Variants in CAMTA1 observed in about 807,000 individuals in gnomAD.
CAMTA1 encodes the protein calmodulin-binding transcription activator 1.
Under a neutral mutation model 170.9 loss-of-function variants are expected in CAMTA1, and 27 were observed. The observed-to-expected ratio is 0.16, with a 90% confidence interval of 0.12 to 0.22. The LOEUF (loss-of-function observed/expected upper bound fraction) is 0.22, where lower values mean the gene tolerates loss of function less well. Among genes scored for constraint, CAMTA1 ranks in the 10% least tolerant of loss-of-function variants. The probability of loss-of-function intolerance (pLI) is 1.00; values close to 1 mark genes in which losing one functional copy is unlikely to be tolerated. For synonymous variants in CAMTA1, 833 were observed against 891.5 expected (o/e 0.93, Z 1.17); for missense variants, 1,619 against 2,217.2 (o/e 0.73, Z 5.42).
chr1:7,130,250 C>T (rs1031993073), intron 4 of CAMTA1, among the ~76,000 whole-genome samples: 1 of 152,056 alleles, frequency 6.6e-6, no homozygotes, highest in Admixed American at 6.6e-5. Context: ...AATCTACCTT[C>T]TTATAATCAG....
intron 6 of CAMTA1, among the ~76,000 whole-genome samples, chr1:7,479,901 A>ATG (rs1212003868): frequency 1.3e-5 from 2 of 150,284 alleles, no homozygotes; most frequent in Non-Finnish European, 2.9e-5. Flanking sequence ...TAGAAGATAT[A>ATG]TGTGTGTGTG....
intron 6 of CAMTA1, among the ~76,000 whole-genome samples, chr1:7,520,363 G>A (rs1437023328): frequency 1.4e-5 from 2 of 146,558 alleles, no homozygotes; most frequent in African/African-American, 5.1e-5. Flanking sequence ...GGGGCTGAGA[G>A]TTATTCGATG....
At chr1:7,252,763 G>A (rs1666821164) in intron 5 of CAMTA1, among the ~76,000 whole-genome samples, 1 of 152,196 alleles carries the variant, frequency 6.6e-6, no homozygotes, top group African/African-American at 2.4e-5. Context: ...TACCACCGGG[G>A]CTGTTTTCCT....
intron 5 of CAMTA1, among the ~76,000 whole-genome samples, chr1:7,310,665 T>C (rs1416520324): frequency 5.2e-5 from 2 of 38,646 alleles, no homozygotes; most frequent in African/African-American, 1.6e-4. Flanking sequence ...CTTTCTTTCT[T>C]TCTTTCCTTT....
chr1:7,668,433 C>CACA (rs36054481), intron 9 of CAMTA1, among the ~76,000 whole-genome samples: 3,436 of 114,738 alleles, frequency 0.03, 81 homozygotes, highest in Non-Finnish European at 0.037. Context: ...ACACACACAC[C>CACA]CACCACACAC....
rs144755735 is a variant in CAMTA1 at position 7,251,315 on chromosome 1, G to T, written c.438+1689G>T. On this transcript the variant is annotated intron_variant, in intron 5 of 22. Transcript: ENST00000303635. The surrounding 1 kb of genome is among the most constrained non-coding windows in gnomAD (Gnocchi z 5.1). ...AGTTGTCACTGGATGGAATCAGAAT[G>T]ATTTATGGCTATTTGTTAGGCCATA... 3.7e-3 allele frequency among the ~76,000 whole-genome samples: 570 copies of T among 152,276 alleles called. 5 individuals carry two copies. Among genetic ancestry groups the T allele is most frequent in the African/African-American group, 0.013 (536 of 41,562 alleles).
chr1:7,031,929 C>T (rs903511292), intron 3 of CAMTA1, among the ~76,000 whole-genome samples: 10 of 151,904 alleles, frequency 6.6e-5, no homozygotes, highest in African/African-American at 2.4e-4. Context: ...TTCTGTTTCC[C>T]CATCTGTTGT....
chr1:6,975,633 C>T (rs996343466), intron 3 of CAMTA1, among the ~76,000 whole-genome samples: 4 of 152,116 alleles, frequency 2.6e-5, no homozygotes, highest in South Asian at 2.1e-4. Flanking sequence ...AGCATAATAA[C>T]GGCTTCATTG....
At chr1:7,670,362 G>A (rs965429449) in intron 9 of CAMTA1, among the ~76,000 whole-genome samples, 6 of 152,086 alleles carry the variant, frequency 3.9e-5, no homozygotes, top group African/African-American at 1.2e-4. Context: ...TCTTCAGCCC[G>A]TCCTGCTCCA....
At chr1:7,087,778 C>T (rs1640941870) in intron 3 of CAMTA1, among the ~76,000 whole-genome samples, 1 of 152,218 alleles carries the variant, frequency 6.6e-6, no homozygotes, top group Non-Finnish European at 1.5e-5. Flanking sequence ...GGCAGTACCT[C>T]CACCACCTTA....
chr1:6,933,279 G>A lies in CAMTA1; in HGVS notation c.234+108069G>A, dbSNP rs927318319. ...CACAAATATTTTCTCCTGTGTTTTC[G>A]TTTCTTTTTTTTTTGAGATGGAGTC... On this transcript the variant is annotated intron_variant, in intron 3 of 22. Transcript: ENST00000303635. Among the ~76,000 whole-genome samples, 7 of 151,742 alleles carry A rather than the reference G, an allele frequency of 4.6e-5. No individual in the cohort carries two copies. In the East Asian group the frequency reaches 5.8e-4, roughly 13 times the overall value.
intron 3 of CAMTA1, among the ~76,000 whole-genome samples, chr1:6,916,197 C>T (rs1680745519): frequency 6.6e-6 from 1 of 152,166 alleles, no homozygotes; most frequent in South Asian, 2.1e-4. Flanking sequence ...CCACAGAGAC[C>T]TCCGGGTCTC....
chr1:7,451,400 C>T (rs751390403), intron 5 of CAMTA1, among the ~76,000 whole-genome samples: 7 of 152,122 alleles, frequency 4.6e-5, no homozygotes, highest in African/African-American at 1.2e-4. Context: ...TGGCCGCCCT[C>T]GCCACTGCGG....
At chr1:7,104,182 A>C (rs1238175319) in intron 4 of CAMTA1, among the ~76,000 whole-genome samples, 4 of 151,740 alleles carry the variant, frequency 2.6e-5, no homozygotes. Context: ...ACATATACAC[A>C]CAACACACAT....
intron 3 of CAMTA1, among the ~76,000 whole-genome samples, chr1:6,842,817 G>A (rs932338210): frequency 1.3e-5 from 2 of 151,986 alleles, no homozygotes; most frequent in Non-Finnish European, 2.9e-5. Context: ...CCAGCTACTC[G>A]GGAGGCCAAG....
At chr1:7,520,063 A>C (rs186543927) in intron 6 of CAMTA1, among the ~76,000 whole-genome samples, 2 of 149,586 alleles carry the variant, frequency 1.3e-5, no homozygotes, top group African/African-American at 5.0e-5. Flanking sequence ...CTCCCCTAGC[A>C]GAGCTCTCTT....
chr1:7,422,782 C>A (rs576218044), intron 5 of CAMTA1, among the ~76,000 whole-genome samples: 29 of 152,280 alleles, frequency 1.9e-4, no homozygotes, highest in African/African-American at 6.7e-4. Flanking sequence ...CACCTGGACA[C>A]AGGGCTCCCT....
At chr1:7,260,284 G>A (rs540411614) in intron 5 of CAMTA1, among the ~76,000 whole-genome samples, 2 of 152,184 alleles carry the variant, frequency 1.3e-5, no homozygotes, top group African/African-American at 2.4e-5. Flanking sequence ...GTTTACAGCC[G>A]CCTGATGCTA....
At chr1:7,339,476 C>A (rs902809771) in intron 5 of CAMTA1, among the ~76,000 whole-genome samples, 2 of 152,206 alleles carry the variant, frequency 1.3e-5, no homozygotes, top group Admixed American at 1.3e-4. Context: ...GACGCACACC[C>A]AGGCATGTCT....
Sources: gnomAD v4.1 joint callset for allele counts (sites outside exome capture counted in the v4.1 genomes callset) on GRCh38, gnomAD v4.1.1 for gene constraint, Gnocchi (gnomAD v3.1) non-coding constraint, MANE v1.5 for transcripts, NCBI Gene and HGNC (gene_info 2026-07-23, HGNC 2026-07-21) for gene names.